Variants in DGKH observed in about 807,000 individuals in gnomAD.
DGKH encodes DAG kinase eta.
In DGKH, 90 loss-of-function variants were observed where a neutral mutation model predicts 159.3. The ratio of observed to expected loss-of-function variants is 0.57; its 90% CI spans 0.48 to 0.67. The LOEUF (loss-of-function observed/expected upper bound fraction) is 0.67. Ranked by LOEUF, DGKH falls within the 30% of genes least tolerant of loss-of-function variation. The pLI is 0.00. For missense variants in DGKH, 1,181 were observed against 1,506.1 expected (o/e 0.78, Z 3.57); for synonymous variants, 536 against 553.8 (o/e 0.97, Z 0.45).
rs1958415751 is a variant in DGKH, at chr13:42,236,511, T to C, written c.*7323T>C. 6.6e-6 allele frequency: 1 copy of C among 152,208 alleles called. No homozygotes were observed. The highest frequency in any genetic ancestry group is 2.4e-5 in the African/African-American group (1 of 41,456). 9.4% of individuals were successfully genotyped at this position (152,208 alleles called of 1,614,324 possible). ...AGCCAAGGGATTCAGTGTGTTATAT[T>C]TTGCCAATATGTATTTTATCTTCAT... On this transcript the variant is annotated 3_prime_UTR_variant, in exon 30 of 30. Transcript: ENST00000337343.
At chr13:42,041,723 G>T (rs1057298495) in intron 1 of DGKH, among the ~76,000 whole-genome samples, 1 of 152,158 alleles carries the variant, frequency 6.6e-6, no homozygotes, top group African/African-American at 2.4e-5. Flanking sequence ...GGAAGCCTGT[G>T]TGGGCTGCCT....
chr13:42,225,273 A>G lies in DGKH; in HGVS notation c.3574-3826A>G, dbSNP rs116818403. The G allele has an allele frequency of 3.0e-3, 4,800 of 1,586,678 alleles. 92 individuals carry two copies. The African/African-American group carries it at 0.048, about 16-fold the overall frequency. The stretch of plus-strand genomic sequence containing the variant: ...GCAGATAAGGAAACAAACTGATTGC[A>G]TCATTTTCTTTGCTAGAACACAGTA... On this transcript the variant is annotated intron_variant, in intron 29 of 29. Coordinates refer to ENST00000337343, the MANE Select transcript of DGKH (RefSeq NM_178009.5).
chr13:42,105,320 C>A (rs1253700617), intron 1 of DGKH, among the ~76,000 whole-genome samples: 2 of 152,050 alleles, frequency 1.3e-5, no homozygotes, highest in Non-Finnish European at 1.5e-5. Context: ...TTACAAGGAA[C>A]CCCCTCTATG....
intron 1 of DGKH, among the ~76,000 whole-genome samples, chr13:42,107,436 C>T (rs944819091): frequency 7.9e-5 from 12 of 152,098 alleles, no homozygotes; most frequent in African/African-American, 9.7e-5. Flanking sequence ...CCTTCCATGC[C>T]GAATTAAAGG....
chr13:42,106,949 C>T (rs1954772323), intron 1 of DGKH, among the ~76,000 whole-genome samples: 1 of 152,086 alleles, frequency 6.6e-6, no homozygotes, highest in African/African-American at 2.4e-5. Flanking sequence ...AAGGTTGAGG[C>T]AGGAGAATCA....
chr13:42,190,687 A>T lies in DGKH; in HGVS notation c.2035+162A>T, dbSNP rs565010209. Among the ~76,000 whole-genome samples, 3 of 152,360 alleles carry T rather than the reference A, an allele frequency of 2.0e-5. No homozygotes were observed. In the South Asian group the frequency reaches 6.2e-4, roughly 32 times the overall value. ...GATAAATATTCATGAATAATAAAACAATAAAGATAACACCTAGACTATTGT... is the reference window on the plus strand; with the variant it reads ...GATAAATATTCATGAATAATAAAACTATAAAGATAACACCTAGACTATTGT... On this transcript the variant is annotated intron_variant, in intron 16 of 29. Coordinates refer to ENST00000337343, the MANE Select transcript of DGKH (RefSeq NM_178009.5).
At chr13:42,113,726 G>A (rs1197405596) in intron 1 of DGKH, among the ~76,000 whole-genome samples, 1 of 152,188 alleles carries the variant, frequency 6.6e-6, no homozygotes, top group Non-Finnish European at 1.5e-5. Flanking sequence ...CCAGACCCAC[G>A]GGAGGAGGAG....
intron 7 of DGKH, among the ~76,000 whole-genome samples, chr13:42,165,117 T>C (rs1215091103): frequency 6.6e-6 from 1 of 152,106 alleles, no homozygotes; most frequent in Non-Finnish European, 1.5e-5. Flanking sequence ...CTGAGATAAT[T>C]ACAAAAATTG....
rs933641008 is a variant in DGKH at position 42,242,659 on chromosome 13, G to A, written c.*13471G>A. 8 of 152,074 alleles carry A rather than the reference G, an allele frequency of 5.3e-5. No individual in the cohort carries two copies. Among genetic ancestry groups the A allele is most frequent in the African/African-American group, 1.9e-4 (8 of 41,386 alleles). 9.4% of individuals were successfully genotyped at this position (152,074 alleles called of 1,614,324 possible). On this transcript the variant is annotated 3_prime_UTR_variant, in exon 30 of 30. Transcript: ENST00000337343. ...ACATTTCCTTGTACAGATAATTTTG[G>A]TGGCTTTGTTAATGTAGCTAGTAAT...
chr13:42,095,117 C>T (rs1208451506), intron 1 of DGKH, among the ~76,000 whole-genome samples: 1 of 145,028 alleles, frequency 6.9e-6, no homozygotes, highest in Non-Finnish European at 1.5e-5. Context: ...TACTGTAATA[C>T]TTTCCTAGAT....
At chr13:42,252,396 T>C (rs1427150099) in intron 29 of DGKH, 1 of 152,172 alleles carries the variant, frequency 6.6e-6, no homozygotes, top group Admixed American at 6.5e-5. Flanking sequence ...AGAATTTTAT[T>C]CTATTTTTTT....
intron 29 of DGKH, among the ~76,000 whole-genome samples, chr13:42,248,807 A>T (rs758702122): frequency 2.0e-5 from 3 of 152,016 alleles, no homozygotes; most frequent in Non-Finnish European, 4.4e-5. Flanking sequence ...TTTGTAGCCT[A>T]GAAGCAACAG....
intron 17 of DGKH, among the ~76,000 whole-genome samples, chr13:42,196,264 A>G (rs1957201802): frequency 6.6e-6 from 1 of 152,220 alleles, no homozygotes; most frequent in African/African-American, 2.4e-5. Context: ...AGTTAAACAT[A>G]GAGTTTACAT....
At chr13:42,073,802 G>A (rs1020307183) in intron 1 of DGKH, among the ~76,000 whole-genome samples, 3 of 152,096 alleles carry the variant, frequency 2.0e-5, no homozygotes, top group Admixed American at 1.3e-4. Context: ...CAAACATAGC[G>A]GGCACTCTTG....
chr13:42,238,419 A>G lies in DGKH; in HGVS notation c.*9231A>G, dbSNP rs1027446855. On this transcript the variant is annotated 3_prime_UTR_variant, in exon 30 of 30. Transcript: ENST00000337343. ...AAACTCACTTCTAAAATCTTCAAAAATTTTGAATAGTTTCATTTTTTCAAT... is the reference window on the plus strand; with the variant it reads ...AAACTCACTTCTAAAATCTTCAAAAGTTTTGAATAGTTTCATTTTTTCAAT... 1 of 152,160 alleles carries G rather than the reference A, an allele frequency of 6.6e-6. No homozygotes were observed. Among genetic ancestry groups the G allele is most frequent in the Non-Finnish European group, 1.5e-5 (1 of 68,002 alleles). The allele number at this position is 152,160 out of a possible 1,614,324, so 9.4% of individuals were successfully genotyped here.
At chr13:42,136,105 T>C (rs1165613054) in intron 3 of DGKH, among the ~76,000 whole-genome samples, 1 of 152,204 alleles carries the variant, frequency 6.6e-6, no homozygotes, top group Admixed American at 6.5e-5. Context: ...ACCTACCTCA[T>C]AGGATTATAA....
intron 26 of DGKH, among the ~76,000 whole-genome samples, chr13:42,216,315 A>T (rs1013599848): frequency 6.6e-6 from 1 of 152,228 alleles, no homozygotes; most frequent in African/African-American, 2.4e-5. Context: ...GCCGCCACCT[A>T]GAGTTCGGTT....
intron 1 of DGKH, among the ~76,000 whole-genome samples, chr13:42,108,889 A>AT (rs1030341783): frequency 2.0e-5 from 3 of 152,120 alleles, no homozygotes; most frequent in African/African-American, 7.2e-5. Flanking sequence ...GAGGATTCTA[A>AT]TTTTTTAAAG....
chr13:42,138,769 A>G (rs996377789), intron 3 of DGKH, among the ~76,000 whole-genome samples: 8 of 152,186 alleles, frequency 5.3e-5, no homozygotes, highest in Non-Finnish European at 1.0e-4. Context: ...CTTTGCTTAC[A>G]TAATTTTTAG....
Sources: gnomAD v4.1 joint callset for allele counts (sites outside exome capture counted in the v4.1 genomes callset) on GRCh38, gnomAD v4.1.1 for gene constraint, MANE v1.5 for transcripts, NCBI Gene and HGNC (gene_info 2026-07-23, HGNC 2026-07-21) for gene names.